The following C17orf67 variants were observed in gnomAD, a reference collection of about 807,000 sequenced individuals.
C17orf67 encodes the protein uncharacterized protein C17orf67.
Under a neutral mutation model 11.2 loss-of-function variants are expected in C17orf67, and 12 were observed. The ratio of observed to expected loss-of-function variants is 1.07; its 90% CI spans 0.68 to 1.73. The LOEUF (loss-of-function observed/expected upper bound fraction) is 1.73, where lower values mean the gene tolerates loss of function less well. Ranked by LOEUF, C17orf67 falls within the 40% of genes most tolerant of loss-of-function variation. The pLI is 0.00. For synonymous variants in C17orf67, 59 were observed against 46.9 expected (o/e 1.26, Z -1.05); for missense variants, 115 against 113.5 (o/e 1.01, Z -0.06).
intron 4 of C17orf67, among the ~76,000 whole-genome samples, chr17:56,820,482 T>C (rs1024325969): frequency 1.3e-5 from 2 of 151,890 alleles, no homozygotes; most frequent in African/African-American, 4.8e-5. Context: ...GACACACCAA[T>C]GAACATAACG....
At chr17:56,797,747 G>A (rs560316042) in intron 6 of C17orf67, among the ~76,000 whole-genome samples, 30 of 152,226 alleles carry the variant, frequency 2.0e-4, no homozygotes, top group South Asian at 6.2e-4. Context: ...CAGTTGGCTC[G>A]TGCTCTGCCC....
chr17:56,807,253 G>A (rs763968644), intron 6 of C17orf67, among the ~76,000 whole-genome samples: 6 of 152,190 alleles, frequency 3.9e-5, no homozygotes, highest in Non-Finnish European at 8.8e-5. Context: ...AGGCATGCTG[G>A]GAAAGTGGAA....
chr17:56,826,264 TAA>T (rs946915409), intron 2 of C17orf67, among the ~76,000 whole-genome samples: 4 of 152,220 alleles, frequency 2.6e-5, no homozygotes, highest in Non-Finnish European at 5.9e-5. Context: ...TGTCACTTTT[TAA>T]AAGTGTATTA....
intron 6 of C17orf67, among the ~76,000 whole-genome samples, chr17:56,806,567 T>C (rs1905457236): frequency 6.6e-6 from 1 of 152,172 alleles, no homozygotes. Context: ...AATTTTACTG[T>C]TACCCAGGTT....
intron 4 of C17orf67, among the ~76,000 whole-genome samples, chr17:56,822,102 T>C (rs1567799811): frequency 6.6e-6 from 1 of 152,220 alleles, no homozygotes; most frequent in Non-Finnish European, 1.5e-5. Context: ...TACCACAGCC[T>C]GAAGCAGAGC....
At chr17:56,827,687 G>A (rs1223521317) in intron 2 of C17orf67, among the ~76,000 whole-genome samples, 1 of 152,216 alleles carries the variant, frequency 6.6e-6, no homozygotes. Flanking sequence ...AGCTGGATGA[G>A]GAGATGGTGG....
chr17:56,824,332 C>A (rs908628183), intron 4 of C17orf67, among the ~76,000 whole-genome samples: 1 of 152,216 alleles, frequency 6.6e-6, no homozygotes, highest in Non-Finnish European at 1.5e-5. Context: ...TCACCAGAGG[C>A]TGCCACCATG....
intron 6 of C17orf67, among the ~76,000 whole-genome samples, chr17:56,810,819 G>T (rs1266115032): frequency 6.6e-6 from 1 of 152,254 alleles, no homozygotes; most frequent in African/African-American, 2.4e-5. Context: ...GCTCCAACTG[G>T]GAGTGCAGGG....
chr17:56,833,370 C>A, intron 1 of C17orf67, 28 bp from the exon 2 acceptor site: 1 of 153,646 alleles, frequency 6.5e-6, no homozygotes, highest in South Asian at 1.8e-4. Flanking sequence ...GAGGCGTGCT[C>A]CCATCTCCGG....
chr17:56,797,886 A>C (rs1382893823), intron 6 of C17orf67, among the ~76,000 whole-genome samples: 3 of 152,194 alleles, frequency 2.0e-5, no homozygotes, highest in African/African-American at 7.2e-5. Context: ...ATTATGTCCT[A>C]TAAGTGATGC....
intron 6 of C17orf67, among the ~76,000 whole-genome samples, chr17:56,806,327 A>G (rs1905451489): frequency 6.6e-6 from 1 of 152,054 alleles, no homozygotes; most frequent in Non-Finnish European, 1.5e-5. Flanking sequence ...CAATTTTTCA[A>G]TAGTACGTGT....
chr17:56,795,237 A>G (rs1905190645), intron 6 of C17orf67, 57 bp from the exon 7 acceptor site: 1 of 1,501,810 alleles, frequency 6.7e-7, no homozygotes, highest in Non-Finnish European at 9.2e-7. Context: ...CCAAGGGATC[A>G]ATATGCGTGG....
chr17:56,812,854 G>A (rs1225955502), intron 6 of C17orf67, among the ~76,000 whole-genome samples: 1 of 152,120 alleles, frequency 6.6e-6, no homozygotes, highest in African/African-American at 2.4e-5. Flanking sequence ...AGCAGGGGAA[G>A]GACCACACAA....
intron 2 of C17orf67, among the ~76,000 whole-genome samples, chr17:56,826,584 T>C (rs1391865459): frequency 1.3e-5 from 2 of 152,248 alleles, no homozygotes; most frequent in African/African-American, 4.8e-5. Flanking sequence ...AGTGTGGTCC[T>C]GGAACTAGCA....
At chr17:56,814,382 C>T (rs796295341) in intron 6 of C17orf67, among the ~76,000 whole-genome samples, 1 of 152,158 alleles carries the variant, frequency 6.6e-6, no homozygotes, top group South Asian at 2.1e-4. Context: ...GATATCATGA[C>T]CCCACAGGGC....
At position 56,828,117 on chromosome 17, in the gene C17orf67, A is replaced by C. The variant is rs138950317; in HGVS notation, c.-556-2796T>G. On this transcript the variant is annotated intron_variant, in intron 2 of 7. Transcript: ENST00000397861. ...AACAAGACTCAGTCTCAAAAAAAAA[A>C]AAAAAAAGCCAGGCACGGCGGCTCA... Among the ~76,000 whole-genome samples, 1,155 of 151,096 alleles carry C rather than the reference A, an allele frequency of 7.6e-3. 17 individuals carry two copies. Among genetic ancestry groups the C allele is most frequent in the African/African-American group, 0.026 (1,081 of 41,082 alleles).
chr17:56,801,272 T>C (rs1317034371), intron 6 of C17orf67, among the ~76,000 whole-genome samples: 12 of 152,188 alleles, frequency 7.9e-5, no homozygotes, highest in African/African-American at 2.9e-4. Flanking sequence ...AGAGTAGACA[T>C]ACTCAGTCAT....
chr17:56,830,492 G>A (rs866106499), intron 2 of C17orf67, among the ~76,000 whole-genome samples: 1 of 152,190 alleles, frequency 6.6e-6, no homozygotes, highest in South Asian at 2.1e-4. Flanking sequence ...AAATTACATG[G>A]AGATGGTTTT....
chr17:56,808,457 T>C (rs143033130), intron 6 of C17orf67, among the ~76,000 whole-genome samples: 16 of 152,172 alleles, frequency 1.1e-4, no homozygotes, highest in African/African-American at 3.9e-4. Flanking sequence ...ACACTCAAAA[T>C]CCCTCCTTCT....
Sources: allele counts gnomAD v4.1 joint callset (sites outside exome capture counted in the v4.1 genomes callset), GRCh38; gene constraint gnomAD v4.1.1; transcripts MANE v1.5; gene names NCBI Gene and HGNC (gene_info 2026-07-23, HGNC 2026-07-21).